The following PKHD1 variants were observed in gnomAD, a reference collection of about 807,000 sequenced individuals.
PKHD1 encodes the protein PKHD1 ciliary IPT domain containing fibrocystin/polyductin, also known as fibrocystin.
Under a neutral mutation model 412.0 loss-of-function variants are expected in PKHD1, and 291 were observed. The ratio of observed to expected loss-of-function variants is 0.71; its 90% confidence interval spans 0.64 to 0.78. The LOEUF (loss-of-function observed/expected upper bound fraction) is 0.78, where lower values mean the gene tolerates loss of function less well. PKHD1 is among the 30% of genes least tolerant of loss of function. The probability of loss-of-function intolerance (pLI) is 0.00; values close to 1 mark genes in which losing one functional copy is unlikely to be tolerated. For missense variants in PKHD1, 4,825 were observed against 4,950.7 expected, an observed-to-expected ratio of 0.97 and a Z score of 0.76; for synonymous variants, 1,777 against 1,821.5, an observed-to-expected ratio of 0.98 and a Z score of 0.62.
chr6:51,842,360 G>T (rs1431811851), intron 50 of PKHD1, among the ~76,000 whole-genome samples: 1 of 152,286 alleles, frequency 6.6e-6, no homozygotes, highest in South Asian at 2.1e-4. Flanking sequence ...GCTAGGGGAA[G>T]GGGCTGTGTT....
chr6:51,830,516 C>G (rs1170261379), intron 52 of PKHD1, among the ~76,000 whole-genome samples: 1 of 152,168 alleles, frequency 6.6e-6, no homozygotes, highest in Non-Finnish European at 1.5e-5. Flanking sequence ...TTGTTGTCTT[C>G]CATACCCTCT....
chr6:51,966,655 G>C (rs914363851), intron 35 of PKHD1, among the ~76,000 whole-genome samples: 1 of 152,044 alleles, frequency 6.6e-6, no homozygotes, highest in African/African-American at 2.4e-5. Context: ...TACTTTCCAG[G>C]AACTACAGAG....
chr6:51,640,274 A>C (rs1189771715), intron 63 of PKHD1, among the ~76,000 whole-genome samples: 1 of 152,202 alleles, frequency 6.6e-6, no homozygotes, highest in Non-Finnish European at 1.5e-5. Context: ...GAGCACAGTG[A>C]GTTGGCCTCG....
At chr6:51,682,033 G>T (rs1435266037) in intron 60 of PKHD1, among the ~76,000 whole-genome samples, 3 of 152,042 alleles carry the variant, frequency 2.0e-5, no homozygotes, top group Non-Finnish European at 4.4e-5. Context: ...AGATGGACAA[G>T]AAGTACAAAC....
In PKHD1 at chr6:51,729,637, GAC is replaced by G. The variant is rs536395183; in HGVS notation, c.10156+14746_10156+14747del. On this transcript the variant is annotated intron_variant, in intron 60 of 66. Transcript: ENST00000371117. ...ACAGAGCTTTAGGTGGTAGCCAGAT[GAC>G]AAAAAGCTAAGAAAAGTGATATTTG... Among the ~76,000 whole-genome samples the G allele has an allele frequency of 5.9e-5, 9 of 152,254 alleles. No individual in the cohort carries two copies. In the South Asian group the frequency reaches 8.3e-4, roughly 14 times the overall value.
chr6:52,070,487 G>A (rs375926124), intron 9 of PKHD1, 42 bp from the exon 10 acceptor site: 10 of 1,477,630 alleles, frequency 6.8e-6, no homozygotes, highest in Non-Finnish European at 8.5e-6. Flanking sequence ...GAATCTGCAC[G>A]AGTCTTCTGG....
At chr6:51,802,386 C>T (rs1483629823) in intron 52 of PKHD1, among the ~76,000 whole-genome samples, 1 of 151,578 alleles carries the variant, frequency 6.6e-6, no homozygotes, top group Non-Finnish European at 1.5e-5. Context: ...TACCTGTATA[C>T]ATTGTTAATG....
intron 36 of PKHD1, among the ~76,000 whole-genome samples, chr6:51,950,220 A>T (rs11754694): frequency 0.1 from 10,196 of 98,470 alleles, 596 homozygotes; most frequent in Middle Eastern, 0.15. Context: ...GAAAAAAAAA[A>T]ATATATATAT....
At chr6:52,012,868 G>A (rs1237283307) in intron 34 of PKHD1, among the ~76,000 whole-genome samples, 1 of 152,196 alleles carries the variant, frequency 6.6e-6, no homozygotes, top group Non-Finnish European at 1.5e-5. Context: ...GTTTCCAGAT[G>A]GCTACTTTCA....
chr6:51,982,194 C>G (rs1472045252), intron 35 of PKHD1, among the ~76,000 whole-genome samples: 1 of 33,282 alleles, frequency 3.0e-5, no homozygotes, highest in African/African-American at 9.6e-5. Context: ...GTGGGGGGGT[C>G]AGCCCCCCGC....
At position 51,747,786 on chromosome 6, in the gene PKHD1, C is replaced by T. The variant is rs1273202231; in HGVS notation, c.9829+1G>A. 1 of 1,612,448 alleles carries T rather than the reference C, an allele frequency of 6.2e-7. No homozygotes were observed. Among genetic ancestry groups the T allele is most frequent in the Non-Finnish European group, 8.5e-7 (1 of 1,178,628 alleles). On this transcript the variant is annotated splice_donor_variant, in intron 58 of 66. Transcript: ENST00000371117. LOFTEE classifies it high-confidence loss of function. ...TGCCTAGATAAAATAAAACATCCTA[C>T]CTTGAAGTTTCATGATTCCTGAAAT...
chr6:51,774,695 T>A (rs1790710502), intron 54 of PKHD1, among the ~76,000 whole-genome samples: 1 of 151,906 alleles, frequency 6.6e-6, no homozygotes, highest in Non-Finnish European at 1.5e-5. Context: ...TCCACTCTAT[T>A]GAGTACTGAG....
chr6:51,918,486 T>C (rs890078735), intron 37 of PKHD1, among the ~76,000 whole-genome samples: 16 of 152,104 alleles, frequency 1.1e-4, no homozygotes, highest in African/African-American at 3.9e-4. Context: ...AGAATGATGG[T>C]TTCCAGCTTC....
chr6:51,893,128 T>C (rs1368238536), intron 43 of PKHD1, among the ~76,000 whole-genome samples: 2 of 152,216 alleles, frequency 1.3e-5, no homozygotes. Flanking sequence ...ATGAGAAATG[T>C]GGACTGGAAG....
At chr6:51,862,592 T>C (rs1222517858) in intron 48 of PKHD1, among the ~76,000 whole-genome samples, 1 of 152,202 alleles carries the variant, frequency 6.6e-6, no homozygotes, top group Non-Finnish European at 1.5e-5. Context: ...TTCTTTATTT[T>C]TGCATTCACA....
intron 36 of PKHD1, among the ~76,000 whole-genome samples, chr6:51,940,701 C>A (rs2499464): frequency 6.6e-6 from 1 of 151,514 alleles, no homozygotes; most frequent in Non-Finnish European, 1.5e-5. Context: ...CCATCGCAGA[C>A]GCTCTGGGTA....
intron 41 of PKHD1, among the ~76,000 whole-genome samples, chr6:51,905,830 G>T (rs1047610382): frequency 6.6e-6 from 1 of 152,250 alleles, no homozygotes; most frequent in South Asian, 2.1e-4. Flanking sequence ...CAAGCCACAG[G>T]AGCTTGAATT....
intron 11 of PKHD1, among the ~76,000 whole-genome samples, chr6:52,066,522 CT>C (rs1228849985): frequency 6.6e-6 from 1 of 151,990 alleles, no homozygotes; most frequent in African/African-American, 2.4e-5. Context: ...CTTTAGGACC[CT>C]CCCACTCTTT....
chr6:51,808,286 G>A (rs1205073340), intron 52 of PKHD1, among the ~76,000 whole-genome samples: 2 of 151,876 alleles, frequency 1.3e-5, no homozygotes, highest in Non-Finnish European at 2.9e-5. Flanking sequence ...AATATCTTTC[G>A]AAAGATACCA....
Sources: gnomAD v4.1 joint callset for allele counts (sites outside exome capture counted in the v4.1 genomes callset) on GRCh38, gnomAD v4.1.1 for gene constraint, MANE v1.5 for transcripts, NCBI Gene and HGNC (gene_info 2026-07-23, HGNC 2026-07-21) for gene names.